The following CASKIN1 variants were observed in gnomAD, a reference collection of about 807,000 sequenced individuals.
CASKIN1 encodes CASK interacting protein 1.
In CASKIN1, 42 loss-of-function variants were observed where a neutral mutation model predicts 117.5. That is an observed-to-expected ratio of 0.36 (90% CI 0.28 to 0.46). The LOEUF (loss-of-function observed/expected upper bound fraction) is 0.46, where lower values mean the gene tolerates loss of function less well. Among genes scored for constraint, CASKIN1 ranks in the 20% least tolerant of loss-of-function variants. CASKIN1 has a pLI of 1.00. For synonymous variants in CASKIN1, 1,148 were observed against 961.7 expected (o/e 1.19, Z -3.59); for missense variants, 2,083 against 2,077.3 (o/e 1.00, Z -0.05).
In CASKIN1 at chr16:2,179,436, C is replaced by T. The variant is rs555092785; in HGVS notation, c.3776-111G>A. The T allele has an allele frequency of 2.2e-3, 2,971 of 1,360,314 alleles. 98 individuals are homozygous for T. In the South Asian group the frequency reaches 0.051, roughly 23 times the overall value. 84.3% of individuals were successfully genotyped at this position (1,360,314 alleles called of 1,614,324 possible). A position where few individuals can be genotyped will look rare whatever the true frequency, so the allele number is the denominator to read the frequency against. On this transcript the variant is annotated intron_variant, in intron 18 of 19. Coordinates refer to ENST00000343516, the MANE Select transcript of CASKIN1 (RefSeq NM_020764.4). This position sits in a 1 kb window ranked among gnomAD's most constrained non-coding sequence, Gnocchi z 5.8. The stretch of plus-strand genomic sequence containing the variant: ...GCGGACCGGGAAAGACCCTGCTCAC[C>T]TTGCCCCCAGCCCTGGATGGATGAG...
Position 2,180,038 on chromosome 16 carries a change from G to A in CASKIN1, c.3330C>T (p.Val1110=), listed in dbSNP as rs377204261. 17 of 1,582,602 alleles carry A rather than the reference G, an allele frequency of 1.1e-5. No homozygotes were observed. The highest frequency in any genetic ancestry group is 2.7e-5 in the African/African-American group (2 of 74,044). Residue 1110 remains valine (V), a synonymous_variant, in exon 18 of 20, where the codon GTC becomes GTT. Coordinates refer to ENST00000343516, the MANE Select transcript of CASKIN1 (RefSeq NM_020764.4). ...PRGPSKGEAG[V]EGPPLAKVEA... The stretch of plus-strand genomic sequence containing the variant: ...CCACCTTGGCCAAGGGCGGGCCTTC[G>A]ACACCCGCCTCGCCCTTGGAGGGAC...
At position 2,178,172 on chromosome 16, in the gene CASKIN1, C is replaced by G. The variant is rs1218461293; in HGVS notation, c.*378G>C. On this transcript the variant is annotated 3_prime_UTR_variant, in exon 20 of 20. Coordinates refer to ENST00000343516, the MANE Select transcript of CASKIN1 (RefSeq NM_020764.4). Reference sequence around the variant, plus strand: ...GGGGCAGGGGGGCCCTGACCTTGGTCCCCTGTCCCTTGTGCTGCGCCCGAG... The same window carrying G: ...GGGGCAGGGGGGCCCTGACCTTGGTGCCCTGTCCCTTGTGCTGCGCCCGAG... The G allele has an allele frequency of 2.1e-6, 1 of 480,828 alleles. No homozygotes were observed. The highest frequency in any genetic ancestry group is 4.0e-6 in the Non-Finnish European group (1 of 252,864). 29.8% of individuals were successfully genotyped at this position (480,828 alleles called of 1,614,324 possible). A position where few individuals can be genotyped will look rare whatever the true frequency, so the allele number is the denominator to read the frequency against.
intron 10 of CASKIN1, 137 bp downstream of exon 10, chr16:2,186,570 T>C: frequency 1.5e-6 from 1 of 684,416 alleles, no homozygotes; most frequent in South Asian, 1.8e-5. Flanking sequence ...TGGGGCACCC[T>C]GATGCTCCCC....
intron 16 of CASKIN1, 89 bp downstream of exon 16, chr16:2,183,557 G>A: frequency 7.8e-7 from 1 of 1,287,866 alleles, no homozygotes; most frequent in Non-Finnish European, 1.1e-6. Flanking sequence ...CTGAGGGCGG[G>A]TGGGAGTTGT....
In CASKIN1 at chr16:2,182,890, A is replaced by T. The variant is rs920167608; in HGVS notation, c.1629+756T>A. Among the ~76,000 whole-genome samples, 2 of 152,232 alleles carry T rather than the reference A, an allele frequency of 1.3e-5. No individual in the cohort carries two copies. The highest frequency in any genetic ancestry group is 2.9e-5 in the Non-Finnish European group (2 of 68,040). On this transcript the variant is annotated intron_variant, in intron 16 of 19. Transcript: ENST00000343516. This position sits in a 1 kb window ranked among gnomAD's most constrained non-coding sequence, Gnocchi z 4.1. ...ACTGCAAGCTCCGCCTCCCGGGTTC[A>T]TGCCATTCTCCTGCCTCAGACTCCC...
Position 2,177,478 on chromosome 16 carries a change from G to T in CASKIN1, c.*1072C>A. 4.3e-6 allele frequency: 1 copy of T among 233,306 alleles called. No individual in the cohort carries two copies. The highest frequency in any genetic ancestry group is 8.5e-6 in the Non-Finnish European group (1 of 118,106). 14.5% of individuals were successfully genotyped at this position (233,306 alleles called of 1,614,324 possible). ...CCCAACACTGTGGATCAGCAAACAC[G>T]ATAGAGGAGACCAGTCAGTACTTCT... is the stretch of plus-strand genomic sequence containing the variant. On this transcript the variant is annotated 3_prime_UTR_variant, in exon 20 of 20. Transcript: ENST00000343516.
At position 2,177,321 on chromosome 16, in the gene CASKIN1, G is replaced by A. The variant is rs774171703; in HGVS notation, c.*1229C>T. 6 of 234,622 alleles carry A rather than the reference G, an allele frequency of 2.6e-5. No individual in the cohort carries two copies. Among genetic ancestry groups the A allele is most frequent in the South Asian group, 3.6e-4 (2 of 5,620 alleles). 14.5% of individuals were successfully genotyped at this position (234,622 alleles called of 1,614,324 possible). Reference sequence around the variant, plus strand: ...GGCACGTCCACTCGCAGGGAAACACGGGGTGAGACAGCAGGAAGGGGCCCT... The same window carrying A: ...GGCACGTCCACTCGCAGGGAAACACAGGGTGAGACAGCAGGAAGGGGCCCT... On this transcript the variant is annotated 3_prime_UTR_variant, in exon 20 of 20. Transcript: ENST00000343516.
chr16:2,184,497 G>A (rs977016500), intron 14 of CASKIN1, among the ~76,000 whole-genome samples: 2 of 152,096 alleles, frequency 1.3e-5, no homozygotes, highest in Admixed American at 6.5e-5. Context: ...CCTGTACACA[G>A]ACACGCGTGC....
chr16:2,185,442 C>T, intron 10 of CASKIN1, 34 bp from the exon 11 acceptor site: 2 of 1,542,496 alleles, frequency 1.3e-6, no homozygotes, highest in Non-Finnish European at 1.8e-6. Flanking sequence ...AAGTCCTGGG[C>T]CAGCGATGGC....
chr16:2,192,186 C>A (rs930569720), intron 1 of CASKIN1, among the ~76,000 whole-genome samples: 2 of 152,082 alleles, frequency 1.3e-5, no homozygotes, highest in Non-Finnish European at 2.9e-5. Flanking sequence ...GTGGTCCCTG[C>A]TACTTGGGAG....
intron 1 of CASKIN1, among the ~76,000 whole-genome samples, chr16:2,194,307 C>T (rs953546421): frequency 6.6e-6 from 1 of 152,172 alleles, no homozygotes; most frequent in African/African-American, 2.4e-5. Flanking sequence ...CCAGCCCCTG[C>T]ACCGGCATCT....
chr16:2,184,496 A>G (rs1179436738), intron 14 of CASKIN1, among the ~76,000 whole-genome samples: 1 of 152,176 alleles, frequency 6.6e-6, no homozygotes, highest in Non-Finnish European at 1.5e-5. Context: ...ACCTGTACAC[A>G]GACACGCGTG....
chr16:2,180,629 G>A lies in CASKIN1; in HGVS notation c.2739C>T (p.Arg913=), dbSNP rs764685675. The A allele has an allele frequency of 7.7e-6, 12 of 1,554,196 alleles. No individual in the cohort carries two copies. The highest frequency in any genetic ancestry group is 7.2e-5 in the East Asian group (3 of 41,804). ...CCCTCACTGAGTGGCTGCGGCCCAC[G>A]CGCCGCTGGACCGTGGCATAGGGGC... is the stretch of plus-strand genomic sequence containing the variant. The part of the protein sequence containing the change: ...AAGPYATVQR[R]VGRSHSVRAP... Residue 913 remains arginine, a synonymous_variant, in exon 18 of 20, where the codon CGC becomes CGT. Transcript: ENST00000343516.
intron 1 of CASKIN1, among the ~76,000 whole-genome samples, chr16:2,193,315 C>T (rs1425629661): frequency 6.6e-6 from 1 of 152,226 alleles, no homozygotes; most frequent in African/African-American, 2.4e-5. Context: ...CCATGCCCGG[C>T]CTGAAATTCT....
chr16:2,185,340 C>T lies in CASKIN1; in HGVS notation c.1117G>A (p.Glu373Lys), dbSNP rs2093180828. 6.2e-7 allele frequency: 1 copy of T among 1,610,228 alleles called. No individual in the cohort carries two copies. Among genetic ancestry groups the T allele is most frequent in the African/African-American group, 1.3e-5 (1 of 74,896 alleles). The change falls in exon 11 of 20, where the codon GAG becomes AAG. Residue 373 changes from glutamate (E) to lysine (K), a missense_variant. Transcript: ENST00000343516. ...SSSSGPSAPP[E>K]EIWVLRKPFA... ...GGCTTCCTCAGCACCCAGATCTCCTCTGGGGGTGCAGAGGGTCCCGATGAG... is the reference window on the plus strand; with the variant it reads ...GGCTTCCTCAGCACCCAGATCTCCTTTGGGGGTGCAGAGGGTCCCGATGAG...
Position 2,181,611 on chromosome 16 carries a change from G to T in CASKIN1, c.1769-12C>A, listed in dbSNP as rs559388298. On this transcript the variant is annotated splice_polypyrimidine_tract_variant and intron_variant, in intron 17 of 19. Transcript: ENST00000343516. ...CTTCTTCTGGTGCCCTGAGTGGGGCGCAGGGGGCAGGTCAGGTGGACCAGG... is the reference window on the plus strand; with the variant it reads ...CTTCTTCTGGTGCCCTGAGTGGGGCTCAGGGGGCAGGTCAGGTGGACCAGG... The T allele has an allele frequency of 3.2e-6, 5 of 1,546,098 alleles. No individual in the cohort carries two copies. Among genetic ancestry groups the T allele is most frequent in the Admixed American group, 1.9e-5 (1 of 51,384 alleles).
Position 2,189,468 on chromosome 16 carries a change from T to G in CASKIN1, c.341A>C (p.Glu114Ala). 1 of 1,612,184 alleles carries G rather than the reference T, an allele frequency of 6.2e-7. No individual in the cohort carries two copies. The highest frequency in any genetic ancestry group is 8.5e-7 in the Non-Finnish European group (1 of 1,179,782). ...CGCCAGGTGCAGGGGGATGTGGCCC[T>G]CATCAGACGGGATGTTCACGGCCGA... is the stretch of plus-strand genomic sequence containing the variant. ...AGSAVNIPSD[E>A]GHIPLHLAAQ... Residue 114 changes from glutamate (E) to alanine (A), a missense_variant, in exon 4 of 20, where the codon GAG (glutamate) becomes GCG (alanine). Transcript: ENST00000343516.
chr16:2,178,646 G>C lies in CASKIN1; in HGVS notation c.4200C>G (p.Arg1400=). 6.3e-7 allele frequency: 1 copy of C among 1,587,358 alleles called. No homozygotes were observed. Among genetic ancestry groups the C allele is most frequent in the Non-Finnish European group, 8.5e-7 (1 of 1,173,506 alleles). Residue 1400 remains arginine, a splice_region_variant and synonymous_variant, in exon 20 of 20, where the codon CGC becomes CGG. Transcript: ENST00000343516. ...CAGTGCTCTTTTCCGCCGCCGAGTC[G>C]CTGCGGGGCGCGGGGCAAGGGGCGT... is the stretch of plus-strand genomic sequence containing the variant. ...KIRQEDAQGP[R]DSAAEKSTGS...
Position 2,179,119 on chromosome 16 carries a change from G to C in CASKIN1, c.3982C>G (p.Pro1328Ala), listed in dbSNP as rs1397902418. ...PPSLGASPAK[P>A]PSPGAPALHV... ...AGCGCGGGCGCGCCGGGGGACGGGGGCTTGGCGGGGCTGGCGCCCAGCGAG... is the reference window on the plus strand; with the variant it reads ...AGCGCGGGCGCGCCGGGGGACGGGGCCTTGGCGGGGCTGGCGCCCAGCGAG... The change falls in exon 19 of 20, where the codon CCC becomes GCC. Residue 1328 changes from proline to alanine, a missense_variant. By Grantham distance (27) the Pro-to-Ala change is conservative (BLOSUM62 -1). Transcript: ENST00000343516. This position sits in a 1 kb window ranked among gnomAD's most constrained non-coding sequence, Gnocchi z 5.8. The C allele has an allele frequency of 4.0e-6, 4 of 1,012,350 alleles. No homozygotes were observed. In the African/African-American group the frequency reaches 7.0e-5, roughly 18 times the overall value. 62.7% of individuals were successfully genotyped at this position (1,012,350 alleles called of 1,614,324 possible). A position where few individuals can be genotyped will look rare whatever the true frequency, so the allele number is the denominator to read the frequency against.
Sources: gnomAD v4.1 joint callset for allele counts (sites outside exome capture counted in the v4.1 genomes callset) on GRCh38, gnomAD v4.1.1 for gene constraint, Gnocchi (gnomAD v3.1) non-coding constraint, MANE v1.5 for transcripts, NCBI Gene and HGNC (gene_info 2026-07-23, HGNC 2026-07-21) for gene names.